The following SYMPK variants were observed in gnomAD, a reference collection of about 807,000 sequenced individuals.
The protein encoded by SYMPK is symplekin scaffold protein.
SYMPK carries 49 observed loss-of-function variants against 136.4 expected under a neutral mutation model. The observed-to-expected ratio is 0.36, with a 90% CI of 0.29 to 0.46. The LOEUF (loss-of-function observed/expected upper bound fraction) is 0.46. Ranked by LOEUF, SYMPK falls within the 20% of genes least tolerant of loss-of-function variation. The pLI, the probability that SYMPK is intolerant of heterozygous loss-of-function variation, is 1.00. For synonymous variants in SYMPK, 766 were observed against 713.0 expected, an observed-to-expected ratio of 1.07 and a Z score of -1.19; for missense variants, 1,365 against 1,690.0, an observed-to-expected ratio of 0.81 and a Z score of 3.37.
chr19:45,844,002 A>C, intron 8 of SYMPK, 28 bp downstream of exon 8: 3 of 975,376 alleles, frequency 3.1e-6, no homozygotes, highest in Non-Finnish European at 4.1e-6. Context: ...AAGAGAAGGC[A>C]GGGGGAGGGG....
At chr19:45,835,688 G>A (rs997109024) in intron 10 of SYMPK, among the ~76,000 whole-genome samples, 3 of 152,120 alleles carry the variant, frequency 2.0e-5, no homozygotes, top group African/African-American at 7.2e-5. Context: ...AAGGCAGGTA[G>A]ATCACTTGAG....
intron 7 of SYMPK, among the ~76,000 whole-genome samples, chr19:45,845,622 G>A (rs1030339444): frequency 1.3e-5 from 2 of 152,052 alleles, no homozygotes; most frequent in Admixed American, 6.6e-5. Context: ...AGTTTGCTCC[G>A]AAGTCTTGGC....
intron 14 of SYMPK, chr19:45,828,305 A>G (rs1217876637): frequency 1.3e-5 from 3 of 233,024 alleles, no homozygotes; most frequent in East Asian, 1.2e-4. Flanking sequence ...CCACACATAG[A>G]GTTGAGGGAA....
intron 22 of SYMPK, chr19:45,818,997 C>T (rs1306404865): frequency 1.7e-5 from 1 of 59,160 alleles, no homozygotes; most frequent in African/African-American, 5.1e-5. Flanking sequence ...GGGGTGGGGT[C>T]TCTAAGGGGG....
chr19:45,828,173 G>A, intron 14 of SYMPK: 2 of 443,860 alleles, frequency 4.5e-6, no homozygotes, highest in South Asian at 2.3e-5. Flanking sequence ...TTTATTCACT[G>A]AACATAAGAA....
intron 11 of SYMPK, among the ~76,000 whole-genome samples, chr19:45,833,890 G>A (rs1410217621): frequency 1.3e-5 from 2 of 152,142 alleles, no homozygotes; most frequent in Non-Finnish European, 2.9e-5. Flanking sequence ...GGTGGCTCAC[G>A]CCTGTAATCC....
intron 7 of SYMPK, among the ~76,000 whole-genome samples, chr19:45,846,808 T>C (rs1011661594): frequency 2.1e-5 from 3 of 146,206 alleles, no homozygotes; most frequent in South Asian, 4.5e-4. Context: ...TACTTTTTTT[T>C]TTTTTGAGAC....
rs774026629 is a variant in SYMPK, at chr19:45,816,142, G to A, written c.3396C>T (p.Pro1132=). ...EPLTLAPAPA[P]RPPQDLIGLR... ...GGCCGATGAGGTCCTGAGGGGGCCG[G>A]GGTGCTGGGGCCGGGGCCAAGGTCA... The change falls in exon 26 of 27, where the codon CCC becomes CCT. Residue 1132 remains proline, a synonymous_variant. Transcript: ENST00000245934. 2.0e-5 allele frequency: 31 copies of A among 1,548,588 alleles called. No homozygotes were observed. Among genetic ancestry groups the A allele is most frequent in the Admixed American group, 3.9e-5 (2 of 51,720 alleles).
In SYMPK at chr19:45,821,565, G is replaced by C. The variant is rs1210811203; in HGVS notation, c.2792-80C>G. The C allele has an allele frequency of 1.1e-6, 1 of 929,906 alleles. No individual in the cohort carries two copies. The highest frequency in any genetic ancestry group is 1.7e-6 in the Non-Finnish European group (1 of 594,604). The allele number at this position is 929,906 out of a possible 1,614,324, so 57.6% of individuals were successfully genotyped here. A position where few individuals can be genotyped will look rare whatever the true frequency, so the allele number is the denominator to read the frequency against. On this transcript the variant is annotated intron_variant, in intron 21 of 26. Coordinates refer to ENST00000245934, the MANE Select transcript of SYMPK (RefSeq NM_004819.3). This position sits in a 1 kb window ranked among gnomAD's most constrained non-coding sequence, Gnocchi z 4.4. ...AGATGGGTCTGAGTTCCCCAGATCG[G>C]GGGAGCTGCGAGCAAAGATGAGGTG...
intron 7 of SYMPK, among the ~76,000 whole-genome samples, chr19:45,845,545 CT>C (rs1250196776): frequency 6.6e-6 from 1 of 152,076 alleles, no homozygotes; most frequent in Non-Finnish European, 1.5e-5. Flanking sequence ...TTTTTTATGG[CT>C]GAATAGTATT....
chr19:45,824,176 T>A, intron 18 of SYMPK: 1 of 314,062 alleles, frequency 3.2e-6, no homozygotes, highest in South Asian at 3.8e-5. Context: ...CTGTGCTTCG[T>A]TCACTGGTGA....
chr19:45,827,874 C>T lies in SYMPK; in HGVS notation c.2030G>A (p.Ser677Asn), dbSNP rs1229986222. ...GTACTTGCGGACCACCTCCAGGGCA[C>T]TCTCTGTGATGAGTGGCGCCTCCAG... ...VVLEAPLITE[S>N]ALEVVRKYCE... The change falls in exon 15 of 27, where the codon AGT becomes AAT. Residue 677 changes from serine (S) to asparagine (N), a missense_variant. Physicochemically the swap from Ser to Asn is conservative, Grantham distance 46 (BLOSUM62 1). Transcript: ENST00000245934. The T allele has an allele frequency of 1.2e-6, 2 of 1,614,090 alleles. No homozygotes were observed. The highest frequency in any genetic ancestry group is 1.7e-6 in the Non-Finnish European group (2 of 1,180,028).
chr19:45,823,595 T>C lies in SYMPK; in HGVS notation c.2600-123A>G, dbSNP rs368918995. On this transcript the variant is annotated intron_variant, in intron 19 of 26. Coordinates refer to ENST00000245934, the MANE Select transcript of SYMPK (RefSeq NM_004819.3). ...GGATGGCAACTTCACCCTTGGCTGC[T>C]CACGTGCAATTAGCACCACACTGTT... 191 of 1,009,986 alleles carry C rather than the reference T, an allele frequency of 1.9e-4. No individual in the cohort carries two copies. In the South Asian group the frequency reaches 2.5e-3, roughly 13 times the overall value. 62.6% of individuals were successfully genotyped at this position (1,009,986 alleles called of 1,614,324 possible).
At chr19:45,838,008 T>C (rs1294403596) in intron 10 of SYMPK, among the ~76,000 whole-genome samples, 3 of 152,224 alleles carry the variant, frequency 2.0e-5, no homozygotes, top group South Asian at 4.2e-4. Context: ...TGGATATTTG[T>C]TCCTTCCCGA....
chr19:45,841,964 TATC>T (rs1440398674), intron 9 of SYMPK, among the ~76,000 whole-genome samples: 1 of 151,884 alleles, frequency 6.6e-6, no homozygotes, highest in Non-Finnish European at 1.5e-5. Flanking sequence ...GTAATTTATA[TATC>T]ATATTAAATA....
chr19:45,825,909 A>G (rs1254020885), intron 17 of SYMPK, among the ~76,000 whole-genome samples: 1 of 151,992 alleles, frequency 6.6e-6, no homozygotes, highest in Non-Finnish European at 1.5e-5. Flanking sequence ...TTAATGGTCC[A>G]TTTACTCGGG....
chr19:45,823,677 T>C, intron 19 of SYMPK, 90 bp downstream of exon 19: 4 of 1,205,564 alleles, frequency 3.3e-6, no homozygotes, highest in Non-Finnish European at 4.8e-6. Context: ...GGTACGACCA[T>C]CTGGGGACCC....
intron 5 of SYMPK, among the ~76,000 whole-genome samples, chr19:45,851,860 G>C (rs1971703759): frequency 6.6e-6 from 1 of 152,112 alleles, no homozygotes; most frequent in South Asian, 2.1e-4. Flanking sequence ...GACAACAGTT[G>C]AGCGAGACTC....
Position 45,816,821 on chromosome 19 carries a change from C to T in SYMPK, c.3235G>A (p.Val1079Ile). The change falls in exon 24 of 27, where the codon GTC (valine) becomes ATC (isoleucine). Residue 1079 changes from valine (V) to isoleucine (I), a missense_variant. Transcript: ENST00000245934. The part of the protein sequence containing the change: ...PELREPLLAH[V>I]RSFTPHQQAH... ...ACCTGGTGGGGGGTGAAGGAGCGGA[C>T]ATGGGCCAGCAGGGGCTCCCGGAGC... The T allele has an allele frequency of 1.9e-6, 3 of 1,542,944 alleles. No homozygotes were observed. Among genetic ancestry groups the T allele is most frequent in the Non-Finnish European group, 2.6e-6 (3 of 1,144,038 alleles).
Sources: allele counts gnomAD v4.1 joint callset (sites outside exome capture counted in the v4.1 genomes callset), GRCh38; gene constraint gnomAD v4.1.1; non-coding constraint Gnocchi (gnomAD v3.1); transcripts MANE v1.5; gene names NCBI Gene and HGNC (gene_info 2026-07-23, HGNC 2026-07-21).